Variants in GAS7 observed in about 807,000 individuals in gnomAD.
The protein encoded by GAS7 is growth arrest specific 7.
GAS7 carries 28 observed loss-of-function variants against 71.1 expected under a neutral mutation model. The ratio of observed to expected loss-of-function variants is 0.39; its 90% CI spans 0.29 to 0.54. The LOEUF (loss-of-function observed/expected upper bound fraction) is 0.54. Ranked by LOEUF, GAS7 falls within the 20% of genes least tolerant of loss-of-function variation. The pLI is 0.62. For synonymous variants in GAS7, 258 were observed against 245.8 expected (o/e 1.05, Z -0.46); for missense variants, 436 against 627.8 (o/e 0.69, Z 3.27).
intron 13 of GAS7, 47 bp from the exon 14 acceptor site, chr17:9,917,388 G>T: frequency 7.7e-7 from 1 of 1,291,106 alleles, no homozygotes; most frequent in Non-Finnish European, 1.1e-6. Flanking sequence ...CGGCGGCCAA[G>T]CCAGGGAGGT....
chr17:10,130,374 G>C (rs1294524063), intron 1 of GAS7, among the ~76,000 whole-genome samples: 1 of 150,214 alleles, frequency 6.7e-6, no homozygotes, highest in Non-Finnish European at 1.5e-5. Flanking sequence ...ATGTTGGCAA[G>C]GATATGGAGG....
intron 1 of GAS7, among the ~76,000 whole-genome samples, chr17:10,074,841 T>C (rs1018686988): frequency 4.6e-5 from 7 of 151,854 alleles, no homozygotes; most frequent in Non-Finnish European, 1.0e-4. Context: ...GCTCCTAACC[T>C]CACTTAGAGA....
At chr17:9,934,778 T>G (rs1455350814) in intron 8 of GAS7, among the ~76,000 whole-genome samples, 1 of 152,222 alleles carries the variant, frequency 6.6e-6, no homozygotes, top group Non-Finnish European at 1.5e-5. Flanking sequence ...CTCTGTCGCC[T>G]AGGCTGGAGT....
intron 1 of GAS7, among the ~76,000 whole-genome samples, chr17:10,046,131 A>G (rs2072951159): frequency 6.6e-6 from 1 of 152,194 alleles, no homozygotes; most frequent in Non-Finnish European, 1.5e-5. Context: ...GGTTCTGGAG[A>G]TTCTTTTTTT....
chr17:10,007,362 T>A (rs1273950165), intron 2 of GAS7, among the ~76,000 whole-genome samples: 1 of 152,052 alleles, frequency 6.6e-6, no homozygotes, highest in Non-Finnish European at 1.5e-5. Context: ...CGGTGGCTCA[T>A]GCCTGTATTC....
intron 3 of GAS7, among the ~76,000 whole-genome samples, chr17:9,980,483 A>AC (rs1236051576): frequency 6.6e-6 from 1 of 152,046 alleles, no homozygotes; most frequent in Non-Finnish European, 1.5e-5. Flanking sequence ...ACAGGCTCTC[A>AC]CCTCCCTTCC....
intron 1 of GAS7, among the ~76,000 whole-genome samples, chr17:10,061,812 A>G (rs1338380719): frequency 6.6e-6 from 1 of 152,130 alleles, no homozygotes; most frequent in Non-Finnish European, 1.5e-5. Flanking sequence ...AGGCCAGAAC[A>G]GAGGAACTCT....
At chr17:10,190,631 C>T (rs142312927) in intron 1 of GAS7, among the ~76,000 whole-genome samples, 7 of 151,074 alleles carry the variant, frequency 4.6e-5, no homozygotes, top group Non-Finnish European at 7.4e-5. Context: ...AGGGAAGGGA[C>T]GAGGCTTGCT....
chr17:9,918,076 C>G lies in GAS7; in HGVS notation c.1242G>C (p.Glu414Asp). The G allele has an allele frequency of 6.2e-7, 1 of 1,613,734 alleles. No individual in the cohort carries two copies. Among genetic ancestry groups the G allele is most frequent in the Non-Finnish European group, 8.5e-7 (1 of 1,179,700 alleles). ...GGTGCTGCCGGATCATCTCTACCCTCTCCACCTCCAGCCGCTCTAGCTCCT... is the reference window on the plus strand; with the variant it reads ...GGTGCTGCCGGATCATCTCTACCCTGTCCACCTCCAGCCGCTCTAGCTCCT... ...TTLELERLEV[E>D]RVEMIRQHLC... Residue 414 changes from glutamate to aspartate, a missense_variant, in exon 13 of 14, where the codon GAG becomes GAC. By Grantham distance (45) the Glu-to-Asp change is conservative (BLOSUM62 2). Coordinates refer to ENST00000432992, the MANE Select transcript of GAS7 (RefSeq NM_201433.2).
At chr17:10,015,493 C>T (rs1324742342) in intron 2 of GAS7, among the ~76,000 whole-genome samples, 1 of 152,158 alleles carries the variant, frequency 6.6e-6, no homozygotes, top group Non-Finnish European at 1.5e-5. Flanking sequence ...ATAGATGCAG[C>T]TGGCCCAGCA....
chr17:10,091,016 A>T (rs1397211010), intron 1 of GAS7, among the ~76,000 whole-genome samples: 1 of 152,112 alleles, frequency 6.6e-6, no homozygotes, highest in African/African-American at 2.4e-5. Context: ...CCTGACTCCC[A>T]ACCCTTCTCA....
chr17:10,050,737 C>A (rs546831069), intron 1 of GAS7, among the ~76,000 whole-genome samples: 1 of 152,190 alleles, frequency 6.6e-6, no homozygotes, highest in African/African-American at 2.4e-5. Flanking sequence ...TGTGTATACA[C>A]GAGGGGTGAA....
intron 1 of GAS7, among the ~76,000 whole-genome samples, chr17:10,187,183 T>G (rs2074461614): frequency 6.6e-6 from 1 of 152,174 alleles, no homozygotes; most frequent in South Asian, 2.1e-4. Context: ...GGCAAAAGCT[T>G]TAAGAACCAT....
Position 9,952,801 on chromosome 17 carries a change from T to C in GAS7, c.526-5818A>G, listed in dbSNP as rs541724388. Among the ~76,000 whole-genome samples, 4 of 152,260 alleles carry C rather than the reference T, an allele frequency of 2.6e-5. 1 individual carries two copies. Among genetic ancestry groups the C allele is most frequent in the African/African-American group, 7.2e-5 (3 of 41,552 alleles). On this transcript the variant is annotated intron_variant, in intron 5 of 13. Coordinates refer to ENST00000432992, the MANE Select transcript of GAS7 (RefSeq NM_201433.2). ...AAATCAAAACCACAATGAGATATCA[T>C]GGCATGCCAATCAGAATGGCTATAA... is the stretch of plus-strand genomic sequence containing the variant.
At chr17:10,167,905 C>T (rs138865009) in intron 1 of GAS7, among the ~76,000 whole-genome samples, 118 of 152,076 alleles carry the variant, frequency 7.8e-4, no homozygotes, top group African/African-American at 2.8e-3. Flanking sequence ...TGTCATGTTG[C>T]GCAGGCTGGT....
intron 1 of GAS7, among the ~76,000 whole-genome samples, chr17:10,030,864 C>T (rs2072601016): frequency 6.6e-6 from 1 of 152,222 alleles, no homozygotes; most frequent in Admixed American, 6.5e-5. Context: ...GACGCCCACC[C>T]CCACCAGCCT....
At chr17:10,000,820 G>A (rs1025028254) in intron 2 of GAS7, among the ~76,000 whole-genome samples, 21 of 152,044 alleles carry the variant, frequency 1.4e-4, no homozygotes, top group South Asian at 2.1e-4. Flanking sequence ...TGTCTTCTCC[G>A]TACCTTTCTG....
intron 1 of GAS7, among the ~76,000 whole-genome samples, chr17:10,165,226 A>G (rs1203332436): frequency 1.4e-5 from 2 of 146,738 alleles, no homozygotes; most frequent in East Asian, 2.1e-4. Context: ...CGGGAGGCAG[A>G]GCTTGCAGTG....
intron 1 of GAS7, among the ~76,000 whole-genome samples, chr17:10,073,762 G>A (rs545866904): frequency 6.4e-4 from 98 of 152,252 alleles, no homozygotes; most frequent in African/African-American, 2.2e-3. Flanking sequence ...GAGGAATTTC[G>A]AGACAGTTTC....
Sources: gnomAD v4.1 joint callset for allele counts (sites outside exome capture counted in the v4.1 genomes callset) on GRCh38, gnomAD v4.1.1 for gene constraint, MANE v1.5 for transcripts, NCBI Gene and HGNC (gene_info 2026-07-23, HGNC 2026-07-21) for gene names.